NCK1: variants seen among roughly 807,000 people sequenced by gnomAD.
NCK1 encodes NCK adaptor protein 1, also known as SH2/SH3 adapter protein NCK1.
NCK1 carries 19 observed loss-of-function variants against 36.6 expected under a neutral mutation model. That is an observed-to-expected ratio of 0.52 (90% CI 0.36 to 0.76). The LOEUF is 0.76. Among genes scored for constraint, NCK1 ranks in the 30% least tolerant of loss-of-function variants. The pLI, the probability that NCK1 is intolerant of heterozygous loss-of-function variation, is 0.00. For missense variants in NCK1, 358 were observed against 445.6 expected, an observed-to-expected ratio of 0.80 and a Z score of 1.77; for synonymous variants, 165 against 156.0, an observed-to-expected ratio of 1.06 and a Z score of -0.43.
At chr3:136,877,639 T>C (rs1369725847) in intron 1 of NCK1, among the ~76,000 whole-genome samples, 1 of 152,132 alleles carries the variant, frequency 6.6e-6, no homozygotes, top group Non-Finnish European at 1.5e-5. Flanking sequence ...TTTAGAAGAT[T>C]TGAACTACAC....
chr3:136,901,334 A>T (rs1939536116), intron 1 of NCK1, among the ~76,000 whole-genome samples: 2 of 148,064 alleles, frequency 1.4e-5, no homozygotes, highest in Admixed American at 6.7e-5. Context: ...CTCTGTGTTC[A>T]TTAGGGATAT....
At chr3:136,873,313 G>A (rs1299922635) in intron 1 of NCK1, among the ~76,000 whole-genome samples, 1 of 152,178 alleles carries the variant, frequency 6.6e-6, no homozygotes, top group African/African-American at 2.4e-5. Flanking sequence ...TGACTGCCCT[G>A]CTGTATTTTG....
intron 2 of NCK1, chr3:136,930,331 A>G (rs1454295002): frequency 3.7e-6 from 2 of 546,996 alleles, no homozygotes; most frequent in Admixed American, 9.3e-5. Context: ...TAATAAGGTC[A>G]TATTTTTGGC....
intron 1 of NCK1, among the ~76,000 whole-genome samples, chr3:136,867,113 TTTCTTTGTTTCTTTCTTTCCTTCCTTCC>T (rs1218212119): frequency 0.012 from 342 of 28,938 alleles, 21 homozygotes; most frequent in African/African-American, 0.028. Context: ...TCTTTCTTTC[TTTCTTTGTTTCTTTCTTTCCTTCCTTCC>T]TTCCTTCCTT....
At chr3:136,901,905 A>G (rs565075462) in intron 1 of NCK1, among the ~76,000 whole-genome samples, 1 of 151,806 alleles carries the variant, frequency 6.6e-6, no homozygotes, top group East Asian at 1.9e-4. Flanking sequence ...CCTTCTACTA[A>G]TTTGGGGTTT....
chr3:136,889,277 A>G (rs983283038), intron 1 of NCK1: 9 of 178,210 alleles, frequency 5.1e-5, no homozygotes, highest in Non-Finnish European at 1.0e-4. Flanking sequence ...CTCTGACTTC[A>G]AGAATGAAGC....
In NCK1 at chr3:136,899,245, A is replaced by G; in HGVS notation, c.-18-28739A>G. ...CTCTTGCTTTCAGCTGAAGGACTGCATATTTGTAATGGTTTCCTAGTGGCA... is the reference window on the plus strand; with the variant it reads ...CTCTTGCTTTCAGCTGAAGGACTGCGTATTTGTAATGGTTTCCTAGTGGCA... On this transcript the variant is annotated intron_variant, in intron 1 of 3. Transcript: ENST00000481752. The G allele has an allele frequency of 1.1e-5, 3 of 264,412 alleles. No homozygotes were observed. In the South Asian group the frequency reaches 1.5e-4, roughly 13 times the overall value. The allele number at this position is 264,412 out of a possible 1,614,324, so 16.4% of individuals were successfully genotyped here. A position where few individuals can be genotyped will look rare whatever the true frequency, so the allele number is the denominator to read the frequency against.
At chr3:136,885,680 G>T (rs1028276384) in intron 1 of NCK1, among the ~76,000 whole-genome samples, 1 of 152,138 alleles carries the variant, frequency 6.6e-6, no homozygotes, top group African/African-American at 2.4e-5. Flanking sequence ...GTTTGCTGTG[G>T]TGATTAATGA....
chr3:136,930,944 G>C (rs574713800), intron 2 of NCK1, among the ~76,000 whole-genome samples: 142 of 151,102 alleles, frequency 9.4e-4, no homozygotes, highest in East Asian at 5.9e-4. Context: ...AAAGGATTAG[G>C]TGAACAAATT....
chr3:136,885,797 G>T (rs1939060153), intron 1 of NCK1, among the ~76,000 whole-genome samples: 1 of 152,126 alleles, frequency 6.6e-6, no homozygotes, highest in Non-Finnish European at 1.5e-5. Context: ...CAAGGTTAAG[G>T]GGTTTGTAGA....
At position 136,905,280 on chromosome 3, in the gene NCK1, C is replaced by T. The variant is rs146942254; in HGVS notation, c.-18-22704C>T. Among the ~76,000 whole-genome samples, 998 of 152,202 alleles carry T rather than the reference C, an allele frequency of 6.6e-3. 5 individuals carry two copies. The highest frequency in any genetic ancestry group is 0.014 in the Middle Eastern group (4 of 294). ...CCAGTGATTTGCCTTCCTTGGCCTC[C>T]CAAAGTGCTGGGATTGATTACAGGC... On this transcript the variant is annotated intron_variant, in intron 1 of 3. Transcript: ENST00000481752.
chr3:136,929,727 A>G (rs1353187897), intron 2 of NCK1, among the ~76,000 whole-genome samples: 1 of 152,160 alleles, frequency 6.6e-6, no homozygotes, highest in African/African-American at 2.4e-5. Flanking sequence ...TTTTTGTTCC[A>G]TTTTAAGAGG....
intron 2 of NCK1, among the ~76,000 whole-genome samples, chr3:136,932,947 T>C (rs966937243): frequency 1.3e-5 from 2 of 152,162 alleles, no homozygotes; most frequent in African/African-American, 4.8e-5. Context: ...TAAAGAATAC[T>C]GAAATCACTA....
At chr3:136,895,017 A>G (rs975201498) in intron 1 of NCK1, among the ~76,000 whole-genome samples, 2 of 152,144 alleles carry the variant, frequency 1.3e-5, no homozygotes, top group African/African-American at 4.8e-5. Flanking sequence ...CTGGGATTAC[A>G]GGCATGTGCC....
At chr3:136,931,367 CACA>C (rs1709829055) in intron 2 of NCK1, among the ~76,000 whole-genome samples, 2 of 152,098 alleles carry the variant, frequency 1.3e-5, no homozygotes, top group Admixed American at 1.3e-4. Context: ...GTCTCTTATG[CACA>C]ACAAGCCTAA....
chr3:136,935,185 C>T (rs1940499241), intron 2 of NCK1, among the ~76,000 whole-genome samples: 1 of 152,080 alleles, frequency 6.6e-6, no homozygotes, highest in Non-Finnish European at 1.5e-5. Flanking sequence ...ACAGTGTGAG[C>T]CCCCGTGCTG....
chr3:136,937,222 T>C (rs2108141183), intron 2 of NCK1, among the ~76,000 whole-genome samples: 1 of 152,328 alleles, frequency 6.6e-6, no homozygotes, highest in Admixed American at 6.5e-5. Flanking sequence ...GAAACTATTC[T>C]TTCTTCCCAT....
chr3:136,873,599 G>A (rs1450848834), intron 1 of NCK1, among the ~76,000 whole-genome samples: 5 of 152,044 alleles, frequency 3.3e-5, no homozygotes, highest in African/African-American at 9.7e-5. Context: ...GGGAGGGGCC[G>A]GGGGCGGAAT....
chr3:136,880,596 C>G (rs912768499), intron 1 of NCK1, among the ~76,000 whole-genome samples: 1 of 152,016 alleles, frequency 6.6e-6, no homozygotes, highest in Non-Finnish European at 1.5e-5. Flanking sequence ...CTTGATATCT[C>G]ATGGATCTTG....
Sources: gnomAD v4.1 joint callset for allele counts (sites outside exome capture counted in the v4.1 genomes callset) on GRCh38, gnomAD v4.1.1 for gene constraint, MANE v1.5 for transcripts, NCBI Gene and HGNC (gene_info 2026-07-23, HGNC 2026-07-21) for gene names.